Variants in NR4A3 observed in about 807,000 individuals in gnomAD.
NR4A3 encodes chondrosarcoma, extraskeletal myxoid, fused to EWS.
Under a neutral mutation model 55.6 loss-of-function variants are expected in NR4A3, and 13 were observed. That is an observed-to-expected ratio of 0.23 (90% CI 0.15 to 0.37). NR4A3 has a LOEUF of 0.37. Among genes scored for constraint, NR4A3 ranks in the 10% least tolerant of loss-of-function variants. NR4A3 has a pLI of 1.00. For missense variants in NR4A3, 646 were observed against 822.8 expected, an observed-to-expected ratio of 0.79 and a Z score of 2.63; for synonymous variants, 342 against 357.9, an observed-to-expected ratio of 0.96 and a Z score of 0.50.
chr9:99,828,966 C>G lies in NR4A3; in HGVS notation c.924C>G (p.Thr308=), dbSNP rs1375086445. ...CCTGCCAGCACTACGGCGTGCGAAC[C>G]TGCGAGGGCTGCAAGGGCTTTTTCA... ...NAACQHYGVR[T]CEGCKGFFKR... is the part of the protein sequence containing the mutation. Residue 308 remains threonine, a synonymous_variant, in exon 3 of 8, where the codon ACC becomes ACG. Coordinates refer to ENST00000395097, the MANE Select transcript of NR4A3 (RefSeq NM_006981.4). This position sits in a 1 kb window ranked among gnomAD's most constrained non-coding sequence, Gnocchi z 7.7. 3 of 1,405,734 alleles carry G rather than the reference C, an allele frequency of 2.1e-6. No homozygotes were observed. Among genetic ancestry groups the G allele is most frequent in the Admixed American group, 2.7e-5 (1 of 36,756 alleles). The allele number at this position is 1,405,734 out of a possible 1,614,324, so 87.1% of individuals were successfully genotyped here.
chr9:99,822,684 T>C lies in NR4A3; in HGVS notation c.-177+277T>C, dbSNP rs1421357064. ...AAGAGGAGGACCGGGATTTGTGCTA[T>C]AGCGGCTCCAGCGATGTAATTCAGG... is the stretch of plus-strand genomic sequence containing the variant. On this transcript the variant is annotated intron_variant, in intron 1 of 7. Transcript: ENST00000395097. The surrounding 1 kb of genome is among the most constrained non-coding windows in gnomAD (Gnocchi z 4.9). Among the ~76,000 whole-genome samples the C allele has an allele frequency of 6.6e-6, 1 of 152,126 alleles. No homozygotes were observed. The highest frequency in any genetic ancestry group is 2.4e-5 in the African/African-American group (1 of 41,426).
intron 7 of NR4A3, among the ~76,000 whole-genome samples, chr9:99,857,129 T>G (rs1211563629): frequency 1.3e-5 from 2 of 152,110 alleles, no homozygotes; most frequent in Non-Finnish European, 2.9e-5. Context: ...CCATGGGTAT[T>G]GAGAGGGAGA....
chr9:99,828,120 C>T lies in NR4A3; in HGVS notation c.78C>T (p.Tyr26=), dbSNP rs369623121. 5 of 1,613,984 alleles carry T rather than the reference C, an allele frequency of 3.1e-6. No individual in the cohort carries two copies. The African/African-American group carries it at 4.0e-5, about 13-fold the overall frequency. ...CGGCGCAGACATACAGCTCGGAATACACCACGGAGATCATGAACCCCGACT... is the reference window on the plus strand; with the variant it reads ...CGGCGCAGACATACAGCTCGGAATATACCACGGAGATCATGAACCCCGACT... The part of the protein sequence containing the change: ...SYAAQTYSSE[Y]TTEIMNPDYT... Residue 26 remains tyrosine (Y), a synonymous_variant, in exon 3 of 8, where the codon TAC becomes TAT. Coordinates refer to ENST00000395097, the MANE Select transcript of NR4A3 (RefSeq NM_006981.4). This position sits in a 1 kb window ranked among gnomAD's most constrained non-coding sequence, Gnocchi z 7.7.
Position 99,828,996 on chromosome 9 carries a change from G to A in NR4A3, c.951+3G>A. The A allele has an allele frequency of 7.4e-7, 1 of 1,347,254 alleles. No homozygotes were observed. The highest frequency in any genetic ancestry group is 9.5e-7 in the Non-Finnish European group (1 of 1,047,652). 83.5% of individuals were successfully genotyped at this position (1,347,254 alleles called of 1,614,324 possible). A position where few individuals can be genotyped will look rare whatever the true frequency, so the allele number is the denominator to read the frequency against. On this transcript the variant is annotated splice_donor_region_variant and intron_variant, in intron 3 of 7. Coordinates refer to ENST00000395097, the MANE Select transcript of NR4A3 (RefSeq NM_006981.4). The surrounding 1 kb of genome is among the most constrained non-coding windows in gnomAD (Gnocchi z 7.7). ...AGGGCTGCAAGGGCTTTTTCAAGGT[G>A]AGCGCACGCCGCCCCCTCCCCTCCG...
intron 7 of NR4A3, among the ~76,000 whole-genome samples, chr9:99,860,918 T>A (rs1439486259): frequency 6.6e-6 from 1 of 152,226 alleles, no homozygotes; most frequent in Admixed American, 6.5e-5. Flanking sequence ...TCCATGGAGT[T>A]GGGTTTTATT....
chr9:99,860,642 C>G (rs2118173657), intron 7 of NR4A3, among the ~76,000 whole-genome samples: 1 of 152,312 alleles, frequency 6.6e-6, no homozygotes, highest in Admixed American at 6.5e-5. Flanking sequence ...GAGACTGAAA[C>G]ATGGAGCCTG....
At position 99,864,342 on chromosome 9, in the gene NR4A3, G is replaced by A. The variant is rs773563245; in HGVS notation, c.*475G>A. On this transcript the variant is annotated 3_prime_UTR_variant, in exon 8 of 8. Coordinates refer to ENST00000395097, the MANE Select transcript of NR4A3 (RefSeq NM_006981.4). ...TGCTTCCTGTATCAAAGGTACGTAT[G>A]TGGTGCAAACAAGGCAGAAACTTCC... is the stretch of plus-strand genomic sequence containing the variant. The A allele has an allele frequency of 2.2e-5, 5 of 230,552 alleles. No homozygotes were observed. The highest frequency in any genetic ancestry group is 3.4e-5 in the Non-Finnish European group (4 of 116,206). The allele number at this position is 230,552 out of a possible 1,614,324, so 14.3% of individuals were successfully genotyped here.
intron 2 of NR4A3, chr9:99,826,676 C>T (rs753320976): frequency 1.9e-6 from 2 of 1,077,974 alleles, no homozygotes; most frequent in Non-Finnish European, 2.9e-6. Context: ...TAAGGCCCTG[C>T]TTGTTAAAGA....
At chr9:99,847,416 T>C in intron 6 of NR4A3, 21 bp from the exon 7 acceptor site, 7 of 1,611,708 alleles carry the variant, frequency 4.3e-6, no homozygotes, top group Non-Finnish European at 5.9e-6. Context: ...GTTTAATGTT[T>C]GTCTTCCTCT....
chr9:99,839,438 C>T (rs1033779522), intron 5 of NR4A3, among the ~76,000 whole-genome samples: 3 of 152,194 alleles, frequency 2.0e-5, no homozygotes, highest in African/African-American at 7.2e-5. Context: ...CTATTAAAGC[C>T]TCACATCACT....
At chr9:99,827,964 G>C (rs1827338113) in intron 2 of NR4A3, 77 bp from the exon 3 acceptor site, 2 of 1,518,144 alleles carry the variant, frequency 1.3e-6, no homozygotes, top group African/African-American at 2.8e-5. Context: ...TTAGAGAACA[G>C]TGAACCCAAT....
rs1199978040 is a variant in NR4A3 at position 99,822,570 on chromosome 9, T to C, written c.-177+163T>C. Among the ~76,000 whole-genome samples, 3 of 152,206 alleles carry C rather than the reference T, an allele frequency of 2.0e-5. No homozygotes were observed. Among genetic ancestry groups the C allele is most frequent in the African/African-American group, 4.8e-5 (2 of 41,458 alleles). On this transcript the variant is annotated intron_variant, in intron 1 of 7. Transcript: ENST00000395097. This position sits in a 1 kb window ranked among gnomAD's most constrained non-coding sequence, Gnocchi z 4.9. ...GCCCAGCGGCCCGTAGGTTCTGATCTGAAACTTTTCCCCTGTAGTGGGCCC... is the reference window on the plus strand; with the variant it reads ...GCCCAGCGGCCCGTAGGTTCTGATCCGAAACTTTTCCCCTGTAGTGGGCCC...
At chr9:99,857,870 A>C (rs933313712) in intron 7 of NR4A3, among the ~76,000 whole-genome samples, 6 of 152,130 alleles carry the variant, frequency 3.9e-5, no homozygotes, top group Non-Finnish European at 8.8e-5. Flanking sequence ...AGAGTTTGTA[A>C]AGTTCTTTAC....
chr9:99,862,078 A>AGC (rs1828016899), intron 7 of NR4A3, among the ~76,000 whole-genome samples: 1 of 152,006 alleles, frequency 6.6e-6, no homozygotes, highest in Non-Finnish European at 1.5e-5. Context: ...CAGGCAAGAG[A>AGC]GCAAGACCAT....
chr9:99,842,787 G>A (rs1046843995), intron 5 of NR4A3, among the ~76,000 whole-genome samples: 8 of 152,072 alleles, frequency 5.3e-5, no homozygotes, highest in Admixed American at 5.2e-4. Context: ...AGCTAGGAGG[G>A]GTAAAACTTG....
intron 2 of NR4A3, among the ~76,000 whole-genome samples, chr9:99,827,624 A>G (rs971108469): frequency 3.3e-5 from 5 of 152,200 alleles, no homozygotes; most frequent in Non-Finnish European, 7.3e-5. Context: ...TGGGGGACCA[A>G]TGGCCTCTTT....
At chr9:99,829,023 AC>A in intron 3 of NR4A3, 30 bp downstream of exon 3, 1 of 1,309,696 alleles carries the variant, frequency 7.6e-7, no homozygotes, top group Non-Finnish European at 9.7e-7. Context: ...TCCCCTCCGC[AC>A]CCAGCCCCCT....
At chr9:99,857,707 A>G (rs990564901) in intron 7 of NR4A3, among the ~76,000 whole-genome samples, 3 of 152,032 alleles carry the variant, frequency 2.0e-5, no homozygotes, top group African/African-American at 7.2e-5. Flanking sequence ...GTGAGCCGAG[A>G]TTGCATCACT....
Position 99,865,915 on chromosome 9 carries a change from C to T in NR4A3, c.*2048C>T, listed in dbSNP as rs1828089575. ...CCTGGTCTGTCAACTAGTCCAACCC[C>T]TTAAAATTCATAGAGGAGCAAACTG... On this transcript the variant is annotated 3_prime_UTR_variant, in exon 8 of 8. Coordinates refer to ENST00000395097, the MANE Select transcript of NR4A3 (RefSeq NM_006981.4). This position sits in a 1 kb window ranked among gnomAD's most constrained non-coding sequence, Gnocchi z 4.3. 1 of 218,272 alleles carries T rather than the reference C, an allele frequency of 4.6e-6. No individual in the cohort carries two copies. The highest frequency in any genetic ancestry group is 6.8e-5 in the East Asian group (1 of 14,798). The allele number at this position is 218,272 out of a possible 1,614,324, so 13.5% of individuals were successfully genotyped here.
Sources: gnomAD v4.1 joint callset for allele counts (sites outside exome capture counted in the v4.1 genomes callset) on GRCh38, gnomAD v4.1.1 for gene constraint, Gnocchi (gnomAD v3.1) non-coding constraint, MANE v1.5 for transcripts, NCBI Gene and HGNC (gene_info 2026-07-23, HGNC 2026-07-21) for gene names.